Variants in PLEKHA5 observed in about 807,000 individuals in gnomAD.
PLEKHA5 encodes pleckstrin homology domain containing A5, also known as pleckstrin homology domain-containing family A member 5.
Under a neutral mutation model 181.9 loss-of-function variants are expected in PLEKHA5, and 55 were observed. The ratio of observed to expected loss-of-function variants is 0.30; its 90% CI spans 0.24 to 0.38. The LOEUF is 0.38. PLEKHA5 is among the 10% of genes least tolerant of loss of function. The pLI is 1.00. For synonymous variants in PLEKHA5, 535 were observed against 529.4 expected (o/e 1.01, Z -0.15); for missense variants, 1,432 against 1,549.5 (o/e 0.92, Z 1.27).
intron 3 of PLEKHA5, among the ~76,000 whole-genome samples, chr12:19,242,519 G>A (rs1177369199): frequency 6.6e-6 from 1 of 152,158 alleles, no homozygotes; most frequent in Non-Finnish European, 1.5e-5. Flanking sequence ...AGAATTACAG[G>A]CGTGAGCCAC....
intron 16 of PLEKHA5, among the ~76,000 whole-genome samples, chr12:19,316,433 G>A (rs1040795226): frequency 6.7e-6 from 1 of 149,570 alleles, no homozygotes; most frequent in South Asian, 2.1e-4. Context: ...GGGCTGAGGG[G>A]GGGGAAAGTG....
At chr12:19,368,436 A>G (rs1025858140) in intron 30 of PLEKHA5, among the ~76,000 whole-genome samples, 6 of 152,028 alleles carry the variant, frequency 3.9e-5, no homozygotes, top group African/African-American at 1.4e-4. Context: ...TGAGGCTACA[A>G]TGAGCTGTGT....
Position 19,188,711 on chromosome 12 carries a change from G to A in PLEKHA5, c.227+56261G>A, listed in dbSNP as rs116844758. Among the ~76,000 whole-genome samples, 264 of 152,242 alleles carry A rather than the reference G, an allele frequency of 1.7e-3. 3 individuals carry two copies. In the East Asian group the frequency reaches 0.027, roughly 15 times the overall value. On this transcript the variant is annotated intron_variant, in intron 3 of 31. Transcript: ENST00000429027. ...TATTAATAAACTTGTAATCCCTAAA[G>A]ACAAAAGAACAGATTTATAATACAT...
chr12:19,297,374 G>A lies in PLEKHA5; in HGVS notation c.2037+5677G>A, dbSNP rs1335283523. ...GCGGTGGCTCACGCCTGTAATCCCA[G>A]CACTTTGGGAGGCCGAGGCAGGTGG... On this transcript the variant is annotated intron_variant, in intron 15 of 31. Coordinates refer to ENST00000429027, the MANE Select transcript of PLEKHA5 (RefSeq NM_001256470.2). Among the ~76,000 whole-genome samples, 6 of 151,520 alleles carry A rather than the reference G, an allele frequency of 4.0e-5. 1 individual carries two copies. Among genetic ancestry groups the A allele is most frequent in the Admixed American group, 2.6e-4 (4 of 15,240 alleles).
intron 15 of PLEKHA5, chr12:19,307,113 C>T (rs1475172568): frequency 7.6e-6 from 7 of 918,396 alleles, no homozygotes; most frequent in African/African-American, 1.7e-5. Context: ...CTGTTGGTCC[C>T]AAGTTGAAGC....
intron 25 of PLEKHA5, among the ~76,000 whole-genome samples, chr12:19,349,336 G>A (rs914259325): frequency 2.0e-5 from 3 of 152,032 alleles, no homozygotes; most frequent in Non-Finnish European, 4.4e-5. Flanking sequence ...AGCTGGTCTT[G>A]AACTCTGGGG....
chr12:19,323,964 T>C (rs2091520961), intron 20 of PLEKHA5, among the ~76,000 whole-genome samples: 1 of 152,194 alleles, frequency 6.6e-6, no homozygotes, highest in African/African-American at 2.4e-5. Context: ...AACAGCTGGC[T>C]TTAGGTCCTA....
At chr12:19,233,080 TGAG>T (rs57925848) in intron 3 of PLEKHA5, among the ~76,000 whole-genome samples, 12,356 of 152,164 alleles carry the variant, frequency 0.081, 704 homozygotes, top group African/African-American at 0.16. Flanking sequence ...CAGAAGATAA[TGAG>T]GATATGAGAG....
At chr12:19,349,754 A>AC (rs200378548) in intron 25 of PLEKHA5, among the ~76,000 whole-genome samples, 1,562 of 150,228 alleles carry the variant, frequency 0.01, 36 homozygotes, top group African/African-American at 0.036. Flanking sequence ...AAAAAAAAAA[A>AC]CTCTCCCAAG....
At chr12:19,182,058 G>A (rs2048732614) in intron 3 of PLEKHA5, among the ~76,000 whole-genome samples, 1 of 152,110 alleles carries the variant, frequency 6.6e-6, no homozygotes, top group Non-Finnish European at 1.5e-5. Context: ...GCAGCAAACA[G>A]TTATGTTTTT....
intron 3 of PLEKHA5, among the ~76,000 whole-genome samples, chr12:19,186,628 A>G (rs1229544674): frequency 6.6e-6 from 1 of 152,182 alleles, no homozygotes; most frequent in Admixed American, 6.5e-5. Context: ...AGTCCAGTCT[A>G]CATTCCCTCT....
chr12:19,346,639 AATAAG>A (rs2094349186), intron 23 of PLEKHA5, among the ~76,000 whole-genome samples: 1 of 152,136 alleles, frequency 6.6e-6, no homozygotes, highest in Non-Finnish European at 1.5e-5. Flanking sequence ...CAAATAAATA[AATAAG>A]ATAAATTGTG....
chr12:19,365,200 T>C (rs1331388843), intron 29 of PLEKHA5, among the ~76,000 whole-genome samples: 1 of 151,548 alleles, frequency 6.6e-6, no homozygotes, highest in Non-Finnish European at 1.5e-5. Context: ...TGAAACCCCG[T>C]CTCTACTAAA....
chr12:19,245,210 A>C lies in PLEKHA5; in HGVS notation c.228-8730A>C, dbSNP rs144957741. Among the ~76,000 whole-genome samples, 48 of 152,336 alleles carry C rather than the reference A, an allele frequency of 3.2e-4. No homozygotes were observed. The East Asian group carries it at 8.3e-3, about 26-fold the overall frequency. ...AATCTACTTTTGAATATGCTAGCGC[A>C]GATATTTTCTTTGGACCATGTGTAA... is the stretch of plus-strand genomic sequence containing the variant. On this transcript the variant is annotated intron_variant, in intron 3 of 31. Coordinates refer to ENST00000429027, the MANE Select transcript of PLEKHA5 (RefSeq NM_001256470.2).
At chr12:19,251,675 A>G (rs914936296) in intron 3 of PLEKHA5, among the ~76,000 whole-genome samples, 12 of 151,196 alleles carry the variant, frequency 7.9e-5, no homozygotes, top group Non-Finnish European at 1.6e-4. Flanking sequence ...ATCATGTTGA[A>G]ACAGTTCCAG....
At position 19,336,527 on chromosome 12, in the gene PLEKHA5, G is replaced by A. The variant is rs747470232; in HGVS notation, c.2461G>A (p.Ala821Thr). ...LSRATAELERAWREYDKLEYD... is the reference protein window; with the variant it reads ...LSRATAELERTWREYDKLEYD... ...TTTTTGGTTTTAGGAATTGGAACGAGCATGGAGAGAATATGATAAGTTAGA... is the reference window on the plus strand; with the variant it reads ...TTTTTGGTTTTAGGAATTGGAACGAACATGGAGAGAATATGATAAGTTAGA... The change falls in exon 21 of 32, where the codon GCA becomes ACA. Residue 821 changes from alanine (A) to threonine (T), a missense_variant. Ala to Thr is a moderately conservative substitution (Grantham distance 58, BLOSUM62 0). Around this residue, in one of 2 missense-constraint regions of PLEKHA5, gnomAD observed 1,143 missense variants for 1,168.4 expected, o/e 0.98. Transcript: ENST00000429027. 1 of 1,597,278 alleles carries A rather than the reference G, an allele frequency of 6.3e-7. No homozygotes were observed. The highest frequency in any genetic ancestry group is 1.1e-5 in the South Asian group (1 of 89,972).
chr12:19,306,714 G>T, intron 15 of PLEKHA5: 1 of 1,448,250 alleles, frequency 6.9e-7, no homozygotes, highest in South Asian at 1.2e-5. Flanking sequence ...TCCTAGGCAA[G>T]ATCGACGAAC....
At chr12:19,230,363 C>A (rs1217807878) in intron 3 of PLEKHA5, among the ~76,000 whole-genome samples, 2 of 152,224 alleles carry the variant, frequency 1.3e-5, no homozygotes, top group Non-Finnish European at 2.9e-5. Context: ...TGCGCCCGCA[C>A]TCCTCAGCCC....
At chr12:19,341,256 G>A (rs576307247) in intron 21 of PLEKHA5, among the ~76,000 whole-genome samples, 6 of 152,214 alleles carry the variant, frequency 3.9e-5, no homozygotes, top group African/African-American at 1.4e-4. Context: ...CAGCCTGGGT[G>A]GCCGAGTGAG....
Sources: gnomAD v4.1 joint callset for allele counts (sites outside exome capture counted in the v4.1 genomes callset) on GRCh38, gnomAD v4.1.1 for gene constraint, gnomAD v4.1.1 regional missense constraint, MANE v1.5 for transcripts, NCBI Gene and HGNC (gene_info 2026-07-23, HGNC 2026-07-21) for gene names.